Variants in KAZN observed in about 807,000 individuals in gnomAD.
KAZN encodes kazrin.
A neutral mutation model predicts 87.4 loss-of-function variants in KAZN; 40 were observed. That is an observed-to-expected ratio of 0.46 (90% confidence interval 0.36 to 0.60). The LOEUF (loss-of-function observed/expected upper bound fraction) is 0.60. Ranked by LOEUF, KAZN falls within the 20% of genes least tolerant of loss-of-function variation. The pLI is 0.00. For synonymous variants in KAZN, 466 were observed against 458.3 expected (o/e 1.02, Z -0.22); for missense variants, 898 against 1,073.9 (o/e 0.84, Z 2.29).
At chr1:14,926,443 T>C (rs2101539947) in intron 1 of KAZN, among the ~76,000 whole-genome samples, 1 of 152,270 alleles carries the variant, frequency 6.6e-6, no homozygotes, top group East Asian at 1.9e-4. Context: ...GGTATGTCCG[T>C]TTTAAAAGAC....
At chr1:14,258,215 TTTC>T (rs1252298594) in intron 2 of KAZN, among the ~76,000 whole-genome samples, 1,890 of 105,894 alleles carry the variant, frequency 0.018, 21 homozygotes, top group Middle Eastern at 0.027. Flanking sequence ...TCTTTCTTTC[TTTC>T]TTTTTTTTTT....
rs929538472 is a variant in KAZN, at chr1:14,769,710, G to A, written c.226+170487G>A. On this transcript the variant is annotated intron_variant, in intron 1 of 14. Coordinates refer to ENST00000376030, the MANE Select transcript of KAZN (RefSeq NM_201628.3). The surrounding 1 kb of genome is among the most constrained non-coding windows in gnomAD (Gnocchi z 4.1). ...TTGATTAGTGTCTAAGTGATTGCGG[G>A]AAATTAACACTGGTCCTTCATTCGT... 2.0e-5 allele frequency among the ~76,000 whole-genome samples: 3 copies of A among 152,306 alleles called. No homozygotes were observed. Among genetic ancestry groups the A allele is most frequent in the Non-Finnish European group, 2.9e-5 (2 of 68,028 alleles).
rs559310175 is a variant in KAZN, at chr1:14,587,577, A to G, written c.250-11406A>G. The stretch of plus-strand genomic sequence containing the variant: ...AAGGCAAAGTGGGAGCAGGCATGTC[A>G]TATGGCCAGAGCAGGAGTGAGAGTG... On this transcript the variant is annotated intron_variant, in intron 2 of 16. Coordinates refer to the KAZN transcript ENST00000636203. Among the ~76,000 whole-genome samples the G allele has an allele frequency of 2.3e-3, 351 of 152,066 alleles. 2 individuals carry two copies. The highest frequency in any genetic ancestry group is 7.9e-3 in the African/African-American group (326 of 41,468).
intron 1 of KAZN, among the ~76,000 whole-genome samples, chr1:14,918,269 CTCT>C (rs745405756): frequency 2.4e-4 from 36 of 152,140 alleles, no homozygotes; most frequent in Non-Finnish European, 3.4e-4. Context: ...TGGCTTCCAT[CTCT>C]TCTTGCACAC....
chr1:13,931,463 T>A (rs565537358), intron 1 of KAZN, among the ~76,000 whole-genome samples: 2,491 of 151,834 alleles, frequency 0.016, 63 homozygotes, highest in African/African-American at 0.055. Context: ...TGTGTGTGTG[T>A]GTGCATGCGT....
intron 2 of KAZN, among the ~76,000 whole-genome samples, chr1:14,451,389 G>C (rs141929702): frequency 1.3e-5 from 2 of 152,060 alleles, no homozygotes; most frequent in African/African-American, 2.4e-5. Context: ...TTATCTAAGC[G>C]CCCAGCTCAG....
chr1:14,379,119 T>C (rs1375618329), intron 2 of KAZN, among the ~76,000 whole-genome samples: 1 of 149,760 alleles, frequency 6.7e-6, no homozygotes, highest in Admixed American at 6.7e-5. Flanking sequence ...CAGACAACAT[T>C]TCTAGACACA....
intron 1 of KAZN, among the ~76,000 whole-genome samples, chr1:14,953,528 T>A (rs1422652481): frequency 1.3e-5 from 2 of 152,206 alleles, no homozygotes; most frequent in Non-Finnish European, 2.9e-5. Flanking sequence ...GATGATAAAA[T>A]AGGATCTGCT....
intron 4 of KAZN, among the ~76,000 whole-genome samples, chr1:15,054,819 G>A (rs571105106): frequency 4.5e-4 from 69 of 152,376 alleles, no homozygotes; most frequent in African/African-American, 1.6e-3. Context: ...GCAGAGAAAG[G>A]AAGACCTGTG....
chr1:15,072,376 C>A (rs1639543548), intron 8 of KAZN, among the ~76,000 whole-genome samples: 1 of 152,186 alleles, frequency 6.6e-6, no homozygotes, highest in African/African-American at 2.4e-5. Context: ...CCTCAGAGTG[C>A]AAATGCAGTT....
chr1:14,162,540 CTTTTTTCTTTTT>C (rs1223282382), intron 1 of KAZN, among the ~76,000 whole-genome samples: 1 of 130,618 alleles, frequency 7.7e-6, no homozygotes, highest in Non-Finnish European at 1.5e-5. Flanking sequence ...CTTTTCTTTT[CTTTTTTCTTTTT>C]TTTTTTTTTT....
upstream of KAZN, among the ~76,000 whole-genome samples, chr1:14,595,270 G>A (rs1016764529): frequency 1.3e-5 from 2 of 152,156 alleles, no homozygotes; most frequent in Non-Finnish European, 2.9e-5. Context: ...GGGGGATGCC[G>A]TGGTGCAGCC....
At position 14,082,430 on chromosome 1, in the gene KAZN, T is replaced by A. The variant is rs373466206; in HGVS notation, c.92-98005T>A. Among the ~76,000 whole-genome samples, 18 of 152,282 alleles carry A rather than the reference T, an allele frequency of 1.2e-4. No homozygotes were observed. In the East Asian group the frequency reaches 3.5e-3, roughly 29 times the overall value. ...GGAGAGCTGACACCCTTCCTTGTTATTTCACAACAAGGGCCAGGCCTGTAG... is the reference window on the plus strand; with the variant it reads ...GGAGAGCTGACACCCTTCCTTGTTAATTCACAACAAGGGCCAGGCCTGTAG... On this transcript the variant is annotated intron_variant, in intron 1 of 16. Coordinates refer to the KAZN transcript ENST00000636203.
intron 1 of KAZN, among the ~76,000 whole-genome samples, chr1:14,678,321 A>G (rs1378429929): frequency 6.6e-6 from 1 of 152,100 alleles, no homozygotes; most frequent in African/African-American, 2.4e-5. Flanking sequence ...GAGGCTTCCT[A>G]CCCTCGAACA....
intron 1 of KAZN, among the ~76,000 whole-genome samples, chr1:14,837,880 C>T (rs74641161): frequency 0.024 from 3,710 of 152,202 alleles, 143 homozygotes; most frequent in African/African-American, 0.084. Flanking sequence ...GAATATAAAA[C>T]GGTTTATTTA....
At chr1:14,554,303 G>A (rs1419464478) in intron 2 of KAZN, among the ~76,000 whole-genome samples, 1 of 152,124 alleles carries the variant, frequency 6.6e-6, no homozygotes, top group Non-Finnish European at 1.5e-5. Flanking sequence ...CAGTGAACCT[G>A]GGCAGAGCTG....
intron 1 of KAZN, among the ~76,000 whole-genome samples, chr1:13,906,682 C>T (rs1178005429): frequency 6.6e-6 from 1 of 152,194 alleles, no homozygotes; most frequent in African/African-American, 2.4e-5. Context: ...TTCTTATTAT[C>T]CCCTTTGCCT....
rs559913136 is a variant in KAZN, at chr1:15,081,140, C to T, written c.1223-13040C>T. 2.3e-4 allele frequency among the ~76,000 whole-genome samples: 35 copies of T among 152,202 alleles called. No homozygotes were observed. Among genetic ancestry groups the T allele is most frequent in the Admixed American group, 3.9e-4 (6 of 15,284 alleles). On this transcript the variant is annotated intron_variant, in intron 8 of 14. Coordinates refer to ENST00000376030, the MANE Select transcript of KAZN (RefSeq NM_201628.3). This position sits in a 1 kb window ranked among gnomAD's most constrained non-coding sequence, Gnocchi z 4.1. ...ACAGAGGAAGGCCTGCTCCCTCCCT[C>T]CCTCCGTTCCTCCCTTCCTGCCTTC... is the stretch of plus-strand genomic sequence containing the variant.
chr1:14,564,143 C>T (rs1674412103), intron 2 of KAZN, among the ~76,000 whole-genome samples: 1 of 152,088 alleles, frequency 6.6e-6, no homozygotes, highest in South Asian at 2.1e-4. Context: ...ACCTTCCTAT[C>T]TATTCTCAGG....
Sources: allele counts gnomAD v4.1 joint callset (sites outside exome capture counted in the v4.1 genomes callset), GRCh38; gene constraint gnomAD v4.1.1; non-coding constraint Gnocchi (gnomAD v3.1); transcripts MANE v1.5; gene names NCBI Gene and HGNC (gene_info 2026-07-23, HGNC 2026-07-21).